The following COL5A1 variants were observed in gnomAD, a reference collection of about 807,000 sequenced individuals.
COL5A1 encodes the protein collagen alpha-1(V) chain.
COL5A1 carries 16 observed loss-of-function variants against 263.7 expected under a neutral mutation model. The observed-to-expected ratio is 0.06, with a 90% confidence interval of 0.04 to 0.09. The LOEUF is 0.09. Ranked by LOEUF, COL5A1 falls within the 10% of genes least tolerant of loss-of-function variation. The pLI is 1.00. For synonymous variants in COL5A1, 1,012 were observed against 1,004.5 expected (o/e 1.01, Z -0.14); for missense variants, 2,036 against 2,540.5 (o/e 0.80, Z 4.27).
At chr9:134,745,321 G>T (rs568487116) in intron 11 of COL5A1, among the ~76,000 whole-genome samples, 46 of 152,348 alleles carry the variant, frequency 3.0e-4, no homozygotes, top group Non-Finnish European at 5.9e-4. Flanking sequence ...AGAGTGAAGG[G>T]ACAGCTGGCA....
At chr9:134,750,974 T>C in intron 13 of COL5A1, 92 bp downstream of exon 13, 1 of 1,090,156 alleles carries the variant, frequency 9.2e-7, no homozygotes, top group Non-Finnish European at 1.4e-6. Flanking sequence ...AGAGCCCAAC[T>C]TGGAGGGAAG....
rs1832705927 is a variant in COL5A1, at chr9:134,677,120, C to T, written c.110-13792C>T. Among the ~76,000 whole-genome samples, 1 of 152,174 alleles carries T rather than the reference C, an allele frequency of 6.6e-6. No homozygotes were observed. ...GACACCAGGAAGCGGCGGTCCATCC[C>T]CTCGTGATTGGTGGCAGGGCCTCTC... On this transcript the variant is annotated intron_variant, in intron 1 of 65. Coordinates refer to ENST00000371817, the MANE Select transcript of COL5A1 (RefSeq NM_000093.5). The surrounding 1 kb of genome is among the most constrained non-coding windows in gnomAD (Gnocchi z 4.4).
At chr9:134,816,158 T>G (rs961622122) in intron 52 of COL5A1, among the ~76,000 whole-genome samples, 170 bp downstream of exon 52, 2 of 152,244 alleles carry the variant, frequency 1.3e-5, no homozygotes, top group Non-Finnish European at 2.9e-5. Flanking sequence ...GATTCCCTTA[T>G]GATATTGATT....
At position 134,765,826 on chromosome 9, in the gene COL5A1, AAGTC is replaced by A; in HGVS notation, c.2088+93_2088+96del. On this transcript the variant is annotated intron_variant, in intron 21 of 65. Coordinates refer to ENST00000371817, the MANE Select transcript of COL5A1 (RefSeq NM_000093.5). This position sits in a 1 kb window ranked among gnomAD's most constrained non-coding sequence, Gnocchi z 5.1. ...GTGGACGCTTGGGCACTGGGGCAGC[AAGTC>A]CGTGCTGGCCCCTCTGGCGCCTGCC... 8 of 1,106,040 alleles carry A rather than the reference AAGTC, an allele frequency of 7.2e-6. No individual in the cohort carries two copies. Among genetic ancestry groups the A allele is most frequent in the Non-Finnish European group, 1.1e-5 (8 of 748,668 alleles). The allele number at this position is 1,106,040 out of a possible 1,614,324, so 68.5% of individuals were successfully genotyped here. A position where few individuals can be genotyped will look rare whatever the true frequency, so the allele number is the denominator to read the frequency against.
intron 1 of COL5A1, among the ~76,000 whole-genome samples, chr9:134,664,387 C>T (rs1355839010): frequency 6.6e-6 from 1 of 152,128 alleles, no homozygotes; most frequent in East Asian, 1.9e-4. Context: ...GATTTTCTAT[C>T]TGGCCAAAAG....
At chr9:134,688,690 C>A (rs1169909990) in intron 1 of COL5A1, among the ~76,000 whole-genome samples, 1 of 152,168 alleles carries the variant, frequency 6.6e-6, no homozygotes, top group Admixed American at 6.5e-5. Flanking sequence ...GCCGCCCCTC[C>A]CCTTTGTCAC....
chr9:134,770,865 C>T (rs1836844282), intron 25 of COL5A1, among the ~76,000 whole-genome samples: 1 of 152,248 alleles, frequency 6.6e-6, no homozygotes, highest in Admixed American at 6.5e-5. Flanking sequence ...GTTACGTTTC[C>T]TTTCTGCCTT....
chr9:134,697,993 A>C (rs1432912278), intron 2 of COL5A1, among the ~76,000 whole-genome samples: 1 of 152,200 alleles, frequency 6.6e-6, no homozygotes, highest in East Asian at 1.9e-4. Context: ...CTGAGGCAAG[A>C]GAATTACTTG....
rs182672295 is a variant in COL5A1, at chr9:134,841,391, C to T, written c.5371-766C>T. On this transcript the variant is annotated intron_variant, in intron 65 of 65. Coordinates refer to ENST00000371817, the MANE Select transcript of COL5A1 (RefSeq NM_000093.5). The surrounding 1 kb of genome is among the most constrained non-coding windows in gnomAD (Gnocchi z 4.8). ...GAGGGACCAAAGAATCTCACACCTGCGCTGCCTGTGTTCTGGGAGGGAGGC... is the reference window on the plus strand; with the variant it reads ...GAGGGACCAAAGAATCTCACACCTGTGCTGCCTGTGTTCTGGGAGGGAGGC... Among the ~76,000 whole-genome samples the T allele has an allele frequency of 2.6e-4, 40 of 152,268 alleles. No individual in the cohort carries two copies. The highest frequency in any genetic ancestry group is 3.4e-3 in the Middle Eastern group (1 of 294).
chr9:134,676,362 C>A (rs191944816), intron 1 of COL5A1, among the ~76,000 whole-genome samples: 2 of 152,272 alleles, frequency 1.3e-5, no homozygotes, highest in African/African-American at 4.8e-5. Context: ...CATCTCAGGC[C>A]GTCTGCATGA....
chr9:134,761,602 C>T (rs1352403462), intron 18 of COL5A1, among the ~76,000 whole-genome samples: 1 of 152,190 alleles, frequency 6.6e-6, no homozygotes, highest in Non-Finnish European at 1.5e-5. Flanking sequence ...TCACCTGGAG[C>T]ACTTGGGCTG....
chr9:134,820,145 T>C lies in COL5A1; in HGVS notation c.4476T>C (p.Gly1492=), dbSNP rs778378694. Residue 1492 remains glycine (G), a synonymous_variant, in exon 58 of 66, where the codon GGT becomes GGC. Transcript: ENST00000371817. ...ATCCAGGCCTGATCGGGCTCATCGG[T>C]CCTCCGGGTGAACAGGGTGAGAAGG... ...KGHPGLIGLI[G]PPGEQGEKGD... 1 of 1,613,798 alleles carries C rather than the reference T, an allele frequency of 6.2e-7. No homozygotes were observed. Among genetic ancestry groups the C allele is most frequent in the Non-Finnish European group, 8.5e-7 (1 of 1,179,976 alleles).
At position 134,765,983 on chromosome 9, in the gene COL5A1, A is replaced by G. The variant is rs1836647891; in HGVS notation, c.2088+249A>G. On this transcript the variant is annotated intron_variant, in intron 21 of 65. Transcript: ENST00000371817. The surrounding 1 kb of genome is among the most constrained non-coding windows in gnomAD (Gnocchi z 5.1). ...CACGCCTCCGCTTCACCCTGGCTGC[A>G]CTTCCTCCTGGCAGACAGCATGTGC... Among the ~76,000 whole-genome samples the G allele has an allele frequency of 6.6e-6, 1 of 152,228 alleles. No homozygotes were observed. Among genetic ancestry groups the G allele is most frequent in the African/African-American group, 2.4e-5 (1 of 41,470 alleles).
chr9:134,760,519 C>CTG (rs1491521902), intron 18 of COL5A1, among the ~76,000 whole-genome samples: 3 of 126,050 alleles, frequency 2.4e-5, no homozygotes, highest in Non-Finnish European at 3.3e-5. Flanking sequence ...CATACACACC[C>CTG]ACACACCCCC....
chr9:134,713,530 G>A (rs1296984741), intron 4 of COL5A1, among the ~76,000 whole-genome samples: 1 of 152,358 alleles, frequency 6.6e-6, no homozygotes, highest in Middle Eastern at 3.4e-3. Context: ...CTTTCAAGCT[G>A]GGACTATGTT....
In COL5A1 at chr9:134,801,985, C is replaced by T. The variant is rs1838132192; in HGVS notation, c.2984C>T (p.Pro995Leu). 2 of 1,613,448 alleles carry T rather than the reference C, an allele frequency of 1.2e-6. No individual in the cohort carries two copies. Among genetic ancestry groups the T allele is most frequent in the Non-Finnish European group, 1.7e-6 (2 of 1,180,028 alleles). ...CAAGGCAAGACCGGCCCTCCAGGCC[C>T]CCCCGGCGTGGTCGGCCCTCAGGTA... ...GFQGKTGPPGPPGVVGPQGPT... is the reference protein window; with the variant it reads ...GFQGKTGPPGLPGVVGPQGPT... Residue 995 changes from proline (P) to leucine (L), a missense_variant, in exon 38 of 66, where the codon CCC becomes CTC. Physicochemically the swap from Pro to Leu is moderately conservative, Grantham distance 98. Transcript: ENST00000371817.
At chr9:134,734,575 T>C (rs1024900346) in intron 9 of COL5A1, among the ~76,000 whole-genome samples, 5 of 152,236 alleles carry the variant, frequency 3.3e-5, no homozygotes, top group Non-Finnish European at 1.5e-5. Context: ...CTGAGCTCCC[T>C]CTTGGGAGAT....
In COL5A1 at chr9:134,758,210, G is replaced by A; in HGVS notation, c.1882-33G>A. ...GCGGGGTGTCCACGTGTGCAGGGTG[G>A]CGTCTGAGGCAGCCTTTCTGTCCTT... is the stretch of plus-strand genomic sequence containing the variant. On this transcript the variant is annotated intron_variant, in intron 17 of 65. Coordinates refer to ENST00000371817, the MANE Select transcript of COL5A1 (RefSeq NM_000093.5). The surrounding 1 kb of genome is among the most constrained non-coding windows in gnomAD (Gnocchi z 4.1). The A allele has an allele frequency of 6.2e-7, 1 of 1,613,424 alleles. No homozygotes were observed. Among genetic ancestry groups the A allele is most frequent in the Non-Finnish European group, 8.5e-7 (1 of 1,179,630 alleles).
intron 63 of COL5A1, among the ~76,000 whole-genome samples, chr9:134,826,329 C>G (rs900602062): frequency 1.3e-5 from 2 of 152,200 alleles, no homozygotes; most frequent in African/African-American, 4.8e-5. Flanking sequence ...TATTATCCAG[C>G]CTGTTTCTGT....
Sources: gnomAD v4.1 joint callset for allele counts (sites outside exome capture counted in the v4.1 genomes callset) on GRCh38, gnomAD v4.1.1 for gene constraint, Gnocchi (gnomAD v3.1) non-coding constraint, MANE v1.5 for transcripts, NCBI Gene and HGNC (gene_info 2026-07-23, HGNC 2026-07-21) for gene names.